KCNIP1: variants seen among roughly 807,000 people sequenced by gnomAD.
KCNIP1 encodes potassium voltage-gated channel interacting protein 1.
KCNIP1 carries 18 observed loss-of-function variants against 33.0 expected under a neutral mutation model. The ratio of observed to expected loss-of-function variants is 0.55; its 90% CI spans 0.38 to 0.81. The LOEUF (loss-of-function observed/expected upper bound fraction) is 0.81. Among genes scored for constraint, KCNIP1 ranks in the 30% least tolerant of loss-of-function variants. The pLI is 0.00. For missense variants in KCNIP1, 238 were observed against 271.6 expected, an observed-to-expected ratio of 0.88 and a Z score of 0.87; for synonymous variants, 93 against 98.3, an observed-to-expected ratio of 0.95 and a Z score of 0.32.
chr5:170,569,432 A>G (rs1370517299), intron 1 of KCNIP1, among the ~76,000 whole-genome samples: 1 of 152,238 alleles, frequency 6.6e-6, no homozygotes, highest in Non-Finnish European at 1.5e-5. Flanking sequence ...TGTCTTTTCC[A>G]TGCCAGAGGG....
intron 1 of KCNIP1, among the ~76,000 whole-genome samples, chr5:170,635,851 G>C (rs932912988): frequency 2.0e-5 from 3 of 152,272 alleles, no homozygotes; most frequent in African/African-American, 4.8e-5. Context: ...GGCAGGCAGA[G>C]AAAACAGGCA....
Position 170,609,199 on chromosome 5 carries a change from C to T in KCNIP1, c.61+104566C>T, listed in dbSNP as rs373454832. 2.6e-5 allele frequency among the ~76,000 whole-genome samples: 4 copies of T among 152,322 alleles called. No homozygotes were observed. In the East Asian group the frequency reaches 7.7e-4, roughly 29 times the overall value. On this transcript the variant is annotated intron_variant, in intron 1 of 7. Coordinates refer to ENST00000328939, the MANE Select transcript of KCNIP1 (RefSeq NM_014592.4). ...AATATAATGAGAAGGCGCTTCCTCT[C>T]TTCCTTTCAGTCACATGGGGAGGTC... is the stretch of plus-strand genomic sequence containing the variant.
At chr5:170,681,810 C>T (rs1762360539) in intron 1 of KCNIP1, among the ~76,000 whole-genome samples, 1 of 152,136 alleles carries the variant, frequency 6.6e-6, no homozygotes, top group Non-Finnish European at 1.5e-5. Flanking sequence ...TGGTTTCCAA[C>T]GTTGAAGGAG....
intron 1 of KCNIP1, among the ~76,000 whole-genome samples, chr5:170,593,909 G>A (rs556395832): frequency 9.2e-5 from 14 of 152,350 alleles, no homozygotes; most frequent in South Asian, 6.2e-4. Flanking sequence ...TGGGAAGAAC[G>A]TAGGCTCTAG....
chr5:170,595,357 G>C (rs1389353024), intron 1 of KCNIP1, among the ~76,000 whole-genome samples: 1 of 152,250 alleles, frequency 6.6e-6, no homozygotes, highest in African/African-American at 2.4e-5. Flanking sequence ...ATCAGTGGTG[G>C]GATTGGGAGT....
intron 1 of KCNIP1, among the ~76,000 whole-genome samples, chr5:170,380,832 C>A (rs1435098976): frequency 1.2e-4 from 18 of 152,152 alleles, no homozygotes; most frequent in African/African-American, 4.3e-4. Flanking sequence ...AGCTGTGTGA[C>A]CTTGGCAACT....
At chr5:170,720,649 A>T (rs1181770466) in intron 3 of KCNIP1, among the ~76,000 whole-genome samples, 1 of 152,242 alleles carries the variant, frequency 6.6e-6, no homozygotes, top group Non-Finnish European at 1.5e-5. Flanking sequence ...TCTAGAAAGC[A>T]GGTATTATAA....
At chr5:170,365,522 C>T (rs992948044) in intron 1 of KCNIP1, among the ~76,000 whole-genome samples, 2 of 152,176 alleles carry the variant, frequency 1.3e-5, no homozygotes, top group East Asian at 1.9e-4. Flanking sequence ...GAGAGGGGAA[C>T]CTGCCGCTGG....
chr5:170,535,102 C>T (rs1295723208), intron 1 of KCNIP1, among the ~76,000 whole-genome samples: 2 of 152,200 alleles, frequency 1.3e-5, no homozygotes, highest in Non-Finnish European at 2.9e-5. Flanking sequence ...GGTCCCAGCG[C>T]CGTCTCCGCA....
intron 1 of KCNIP1, among the ~76,000 whole-genome samples, chr5:170,379,162 G>T (rs1276178713): frequency 6.6e-6 from 1 of 152,212 alleles, no homozygotes; most frequent in African/African-American, 2.4e-5. Context: ...TGTGTCTTGT[G>T]TGTGGATGGC....
At chr5:170,637,425 C>T (rs1458285432) in intron 1 of KCNIP1, among the ~76,000 whole-genome samples, 2 of 152,180 alleles carry the variant, frequency 1.3e-5, no homozygotes, top group African/African-American at 4.8e-5. Flanking sequence ...GTACACGCCT[C>T]TGCACAGAAC....
intron 1 of KCNIP1, among the ~76,000 whole-genome samples, chr5:170,532,427 C>A (rs1581281816): frequency 1.3e-5 from 2 of 152,292 alleles, no homozygotes; most frequent in Middle Eastern, 3.4e-3. Context: ...GTCCTCGACT[C>A]CCCTCATCTC....
Position 170,735,751 on chromosome 5 carries a change from T to A in KCNIP1, c.604-8T>A, listed in dbSNP as rs1581563303. On this transcript the variant is annotated splice_region_variant and splice_polypyrimidine_tract_variant and intron_variant, in intron 7 of 7. Coordinates refer to ENST00000328939, the MANE Select transcript of KCNIP1 (RefSeq NM_014592.4). The stretch of plus-strand genomic sequence containing the variant: ...AGTTCTAACCCTCTTGCCCTCCTTT[T>A]TTCCCAGGACGACAACATCATGAGG... 6.2e-7 allele frequency: 1 copy of A among 1,613,944 alleles called. No individual in the cohort carries two copies. The highest frequency in any genetic ancestry group is 1.1e-5 in the South Asian group (1 of 91,068).
chr5:170,456,588 G>A (rs1381238298), intron 1 of KCNIP1, among the ~76,000 whole-genome samples: 1 of 152,008 alleles, frequency 6.6e-6, no homozygotes, highest in Admixed American at 6.6e-5. Context: ...AGACAATAAT[G>A]AAAGTGGAAA....
intron 1 of KCNIP1, among the ~76,000 whole-genome samples, chr5:170,593,091 T>C (rs549898789): frequency 6.6e-6 from 1 of 152,206 alleles, no homozygotes; most frequent in African/African-American, 2.4e-5. Context: ...GAAAATTGGC[T>C]CATTTACTTC....
intron 5 of KCNIP1, among the ~76,000 whole-genome samples, chr5:170,729,507 TAAC>T (rs1445746921): frequency 1.3e-5 from 2 of 151,970 alleles, no homozygotes; most frequent in Non-Finnish European, 2.9e-5. Flanking sequence ...TAAGATATTT[TAAC>T]AATTTAATAA....
At chr5:170,712,191 A>G (rs1397559345) in intron 1 of KCNIP1, among the ~76,000 whole-genome samples, 2 of 151,912 alleles carry the variant, frequency 1.3e-5, no homozygotes, top group Non-Finnish European at 2.9e-5. Flanking sequence ...ATAATGGGGG[A>G]CTTGGCCGGC....
intron 1 of KCNIP1, chr5:170,420,345 C>T (rs934444078): frequency 3.3e-5 from 5 of 152,104 alleles, no homozygotes; most frequent in Non-Finnish European, 7.4e-5. Flanking sequence ...TATATGTTCT[C>T]TTCTTTATGA....
At chr5:170,719,956 T>C (rs775511791) in intron 2 of KCNIP1, among the ~76,000 whole-genome samples, 17 of 152,136 alleles carry the variant, frequency 1.1e-4, no homozygotes, top group Admixed American at 3.3e-4. Flanking sequence ...CCACCTAACA[T>C]AGGTTCATAA....
Sources: allele counts gnomAD v4.1 joint callset (sites outside exome capture counted in the v4.1 genomes callset), GRCh38; gene constraint gnomAD v4.1.1; transcripts MANE v1.5; gene names NCBI Gene and HGNC (gene_info 2026-07-23, HGNC 2026-07-21).